Variants in SLC3A1 observed in about 807,000 individuals in gnomAD.
SLC3A1 encodes solute carrier family 3 member 1, also known as amino acid transporter heavy chain SLC3A1.
Under a neutral mutation model 60.3 loss-of-function variants are expected in SLC3A1, and 78 were observed. The observed-to-expected ratio is 1.29, with a 90% CI of 1.08 to 1.56. The LOEUF (loss-of-function observed/expected upper bound fraction) is 1.56, where lower values mean the gene tolerates loss of function less well. Among genes scored for constraint, SLC3A1 ranks in the 40% most tolerant of loss-of-function variants. SLC3A1 has a pLI of 0.00. For missense variants in SLC3A1, 1,172 were observed against 858.9 expected (o/e 1.36, Z -4.56); for synonymous variants, 392 against 307.9 (o/e 1.27, Z -2.86).
At chr2:44,299,156 G>C (rs923323573) in intron 4 of SLC3A1, among the ~76,000 whole-genome samples, 2 of 150,964 alleles carry the variant, frequency 1.3e-5, no homozygotes, top group African/African-American at 4.9e-5. Context: ...CTCCTGCCTC[G>C]GCCTCCCGAG....
At chr2:44,289,556 T>G (rs1671692562) in intron 4 of SLC3A1, among the ~76,000 whole-genome samples, 1 of 152,014 alleles carries the variant, frequency 6.6e-6, no homozygotes, top group Non-Finnish European at 1.5e-5. Flanking sequence ...TTTTTCCTAT[T>G]CTGTTGGTTG....
At chr2:44,280,646 T>C in intron 1 of SLC3A1, 70 bp from the exon 2 acceptor site, 1 of 1,062,380 alleles carries the variant, frequency 9.4e-7, no homozygotes, top group Non-Finnish European at 1.4e-6. Flanking sequence ...CTTAGGCATA[T>C]TTGTTATATT....
At chr2:44,307,797 T>C (rs1558466524) in intron 7 of SLC3A1, among the ~76,000 whole-genome samples, 1 of 152,310 alleles carries the variant, frequency 6.6e-6, no homozygotes, top group African/African-American at 2.4e-5. Context: ...ACTTTCTTGA[T>C]AGTGTCCCTT....
At chr2:44,310,646 T>C (rs1221059528) in intron 7 of SLC3A1, among the ~76,000 whole-genome samples, 2 of 152,212 alleles carry the variant, frequency 1.3e-5, no homozygotes, top group Admixed American at 1.3e-4. Flanking sequence ...TTGAGGTTCT[T>C]AGATACACAA....
chr2:44,283,643 G>C (rs1205500509), intron 3 of SLC3A1, among the ~76,000 whole-genome samples: 2 of 152,080 alleles, frequency 1.3e-5, no homozygotes, highest in African/African-American at 4.8e-5. Context: ...CAGCTGCCTT[G>C]TGATCCAGTT....
At chr2:44,297,723 G>A (rs536221272) in intron 4 of SLC3A1, among the ~76,000 whole-genome samples, 1 of 152,238 alleles carries the variant, frequency 6.6e-6, no homozygotes, top group Admixed American at 6.5e-5. Flanking sequence ...AGTACCAGGT[G>A]CTGTTTCAGA....
chr2:44,301,072 G>C lies in SLC3A1; in HGVS notation c.1081G>C (p.Val361Leu). 1 of 1,614,188 alleles carries C rather than the reference G, an allele frequency of 6.2e-7. No homozygotes were observed. Among genetic ancestry groups the C allele is most frequent in the Non-Finnish European group, 8.5e-7 (1 of 1,180,038 alleles). The change falls in exon 6 of 10, where the codon GTC becomes CTC. Residue 361 changes from valine (V) to leucine (L), a missense_variant. By Grantham distance (32) the Val-to-Leu change is conservative (BLOSUM62 1). Coordinates refer to ENST00000260649, the MANE Select transcript of SLC3A1 (RefSeq NM_000341.4). ...CACGCAGGTGGGAATGCACGACATT[G>C]TCCGCAGCTTCCGGCAGACCATGGA... is the stretch of plus-strand genomic sequence containing the variant. The part of the protein sequence containing the change: ...TTTQVGMHDI[V>L]RSFRQTMDQY...
At chr2:44,306,863 T>G (rs1672171250) in intron 7 of SLC3A1, among the ~76,000 whole-genome samples, 3 of 151,368 alleles carry the variant, frequency 2.0e-5, no homozygotes. Context: ...AGCCAAAATT[T>G]ACCGTTATTA....
intron 9 of SLC3A1, among the ~76,000 whole-genome samples, chr2:44,315,839 T>C (rs1282252517): frequency 6.6e-6 from 1 of 151,800 alleles, no homozygotes; most frequent in Non-Finnish European, 1.5e-5. Context: ...GCAGAATTAG[T>C]AGAACAAAGC....
At chr2:44,303,477 T>C (rs1672069570) in intron 6 of SLC3A1, among the ~76,000 whole-genome samples, 1 of 151,938 alleles carries the variant, frequency 6.6e-6, no homozygotes, top group Non-Finnish European at 1.5e-5. Flanking sequence ...CCTCAAGTTA[T>C]CCACCTGCCT....
chr2:44,300,324 A>C (rs1388027735), intron 5 of SLC3A1, among the ~76,000 whole-genome samples: 4 of 152,210 alleles, frequency 2.6e-5, no homozygotes, highest in African/African-American at 9.7e-5. Context: ...CTTCAGTGAC[A>C]AGGGTTCTGA....
downstream of SLC3A1, chr2:44,321,869 A>C (rs765725426): frequency 6.2e-7 from 1 of 1,613,626 alleles, no homozygotes; most frequent in Admixed American, 1.7e-5. Flanking sequence ...CTCCAGGCTG[A>C]ATATCTAGAA....
chr2:44,276,475 A>C (rs1671343672), intron 1 of SLC3A1, among the ~76,000 whole-genome samples: 2 of 152,174 alleles, frequency 1.3e-5, no homozygotes, highest in South Asian at 2.1e-4. Flanking sequence ...AAATTCTAAA[A>C]AAGGAAGGGA....
At chr2:44,294,054 G>T (rs1014575070) in intron 4 of SLC3A1, among the ~76,000 whole-genome samples, 1 of 152,068 alleles carries the variant, frequency 6.6e-6, no homozygotes, top group Non-Finnish European at 1.5e-5. Context: ...GTGTAAGATG[G>T]AGCCCCAAGG....
intron 3 of SLC3A1, among the ~76,000 whole-genome samples, chr2:44,284,169 T>G (rs994673686): frequency 2.0e-4 from 30 of 152,292 alleles, no homozygotes; most frequent in African/African-American, 6.5e-4. Flanking sequence ...AACCTCTGCC[T>G]CCTCAGTTCA....
chr2:44,289,141 C>T (rs944543567), intron 4 of SLC3A1, among the ~76,000 whole-genome samples: 1 of 151,524 alleles, frequency 6.6e-6, no homozygotes, highest in African/African-American at 2.4e-5. Flanking sequence ...GGCCCTTTGC[C>T]CATTGTTAAA....
intron 4 of SLC3A1, among the ~76,000 whole-genome samples, chr2:44,295,432 G>A (rs1671827637): frequency 6.6e-6 from 1 of 152,132 alleles, no homozygotes. Flanking sequence ...AGACCTTCAT[G>A]GGAGTAAAGA....
downstream of SLC3A1, chr2:44,321,653 G>C (rs530439504): frequency 7.2e-6 from 11 of 1,519,616 alleles, no homozygotes; most frequent in African/African-American, 2.8e-5. Flanking sequence ...AAGTACAAGA[G>C]AGAGACATTT....
chr2:44,307,408 A>T (rs1672184855), intron 7 of SLC3A1, among the ~76,000 whole-genome samples: 2 of 152,152 alleles, frequency 1.3e-5, no homozygotes, highest in African/African-American at 4.8e-5. Flanking sequence ...CTATTTGAGG[A>T]ACTGCCAAAC....
Sources: allele counts gnomAD v4.1 joint callset (sites outside exome capture counted in the v4.1 genomes callset), GRCh38; gene constraint gnomAD v4.1.1; transcripts MANE v1.5; gene names NCBI Gene and HGNC (gene_info 2026-07-23, HGNC 2026-07-21).